Variants in TIAM1 observed in about 807,000 individuals in gnomAD.
TIAM1 encodes the protein TIAM Rac1 associated GEF 1.
A neutral mutation model predicts 163.5 loss-of-function variants in TIAM1; 65 were observed. That is an observed-to-expected ratio of 0.40 (90% CI 0.33 to 0.49). The LOEUF (loss-of-function observed/expected upper bound fraction) is 0.49, where lower values mean the gene tolerates loss of function less well. Ranked by LOEUF, TIAM1 falls within the 20% of genes least tolerant of loss-of-function variation. The pLI is 0.77. For synonymous variants in TIAM1, 833 were observed against 810.1 expected (o/e 1.03, Z -0.48); for missense variants, 1,789 against 2,044.7 (o/e 0.87, Z 2.41).
chr21:31,320,799 G>T (rs1265601955), intron 2 of TIAM1, among the ~76,000 whole-genome samples: 1 of 152,198 alleles, frequency 6.6e-6, no homozygotes, highest in Non-Finnish European at 1.5e-5. Flanking sequence ...TTTGAGACCA[G>T]CCTGGCCAAC....
intron 1 of TIAM1, among the ~76,000 whole-genome samples, chr21:31,483,355 G>A (rs1159987707): frequency 6.6e-6 from 1 of 152,182 alleles, no homozygotes; most frequent in Non-Finnish European, 1.5e-5. Context: ...TGGGTCTCGT[G>A]CCAAGAAGTT....
At chr21:31,465,962 T>C (rs1378808007) in intron 1 of TIAM1, among the ~76,000 whole-genome samples, 2 of 152,170 alleles carry the variant, frequency 1.3e-5, no homozygotes. Flanking sequence ...CGCCTCGGCC[T>C]CCCAAAGTGC....
chr21:31,397,002 G>A (rs912216706), intron 2 of TIAM1, among the ~76,000 whole-genome samples: 4 of 152,032 alleles, frequency 2.6e-5, no homozygotes, highest in Admixed American at 2.6e-4. Flanking sequence ...TTCTAATAGT[G>A]GAAAGAAACC....
chr21:31,270,198 A>G (rs1455686271), intron 3 of TIAM1, among the ~76,000 whole-genome samples: 1 of 152,210 alleles, frequency 6.6e-6, no homozygotes, highest in African/African-American at 2.4e-5. Flanking sequence ...CTTCCACAAG[A>G]CTAGAAATAT....
At chr21:31,210,657 GAAAGAAAGAA>G (rs1210993456) in intron 10 of TIAM1, among the ~76,000 whole-genome samples, 1,017 of 21,718 alleles carry the variant, frequency 0.047, 202 homozygotes, top group Middle Eastern at 0.091. Flanking sequence ...AAGAAAGAAA[GAAAGAAAGAA>G]AAAGAAAGAA....
chr21:31,256,588 T>TACACAA (rs1555907897), intron 4 of TIAM1, among the ~76,000 whole-genome samples: 1 of 128,162 alleles, frequency 7.8e-6, no homozygotes, highest in African/African-American at 2.9e-5. Context: ...TACCCCTCAC[T>TACACAA]ACACACACAC....
rs373488942 is a variant in TIAM1, at chr21:31,191,204, C to T, written c.2575+4020G>A. Among the ~76,000 whole-genome samples, 20 of 152,080 alleles carry T rather than the reference C, an allele frequency of 1.3e-4. 1 individual carries two copies. Among genetic ancestry groups the T allele is most frequent in the Admixed American group, 9.2e-4 (14 of 15,252 alleles). ...TTGAGACAGAGTCTCACTCTGTCACCAGGCGGGAGTGCAGTGGCACAATCT... is the reference window on the plus strand; with the variant it reads ...TTGAGACAGAGTCTCACTCTGTCACTAGGCGGGAGTGCAGTGGCACAATCT... On this transcript the variant is annotated intron_variant, in intron 13 of 27. Transcript: ENST00000541036.
rs771808182 is a variant in TIAM1 at position 31,245,634 on chromosome 21, C to A, written c.1438G>T (p.Asp480Tyr). ...KGCTLFFYES[D>Y]GRSGIDHNSI... Reference sequence around the variant, plus strand: ...TTGTGGTCTATCCCAGACCTGCCGTCGCTCTCGTAGAAAAATAGCGTGCAT... The same window carrying A: ...TTGTGGTCTATCCCAGACCTGCCGTAGCTCTCGTAGAAAAATAGCGTGCAT... Residue 480 changes from aspartate (D) to tyrosine (Y), a missense_variant, in exon 6 of 28, where the codon GAC becomes TAC. Asp to Tyr is a radical substitution (Grantham distance 160). Transcript: ENST00000541036. 2.5e-6 allele frequency: 4 copies of A among 1,584,556 alleles called. No individual in the cohort carries two copies. The highest frequency in any genetic ancestry group is 3.4e-6 in the Non-Finnish European group (4 of 1,165,424).
chr21:31,363,997 A>G (rs1481178043), intron 2 of TIAM1, among the ~76,000 whole-genome samples: 1 of 152,240 alleles, frequency 6.6e-6, no homozygotes, highest in Non-Finnish European at 1.5e-5. Flanking sequence ...GGAAAAGTGC[A>G]GAGCAAAACA....
At chr21:31,523,916 T>C (rs1187276275) in intron 1 of TIAM1, among the ~76,000 whole-genome samples, 2 of 118,164 alleles carry the variant, frequency 1.7e-5, no homozygotes, top group Admixed American at 1.1e-4. Flanking sequence ...AGATTCCATC[T>C]CAAAAAAAAA....
At chr21:31,121,806 T>C (rs1041739289) in intron 27 of TIAM1, among the ~76,000 whole-genome samples, 1 of 152,116 alleles carries the variant, frequency 6.6e-6, no homozygotes, top group East Asian at 1.9e-4. Context: ...CACCATCCGA[T>C]CAAGCCAACA....
At position 31,210,592 on chromosome 21, in the gene TIAM1, AAGAG is replaced by A. The variant is rs368451168; in HGVS notation, c.2218-381_2218-378del. On this transcript the variant is annotated intron_variant, in intron 10 of 27. Coordinates refer to ENST00000541036, the MANE Select transcript of TIAM1 (RefSeq NM_001353694.2). ...AAAGAAAGAAAGAAAGAAAGAAAGA[AAGAG>A]AGAAAGAAGGAAGGAAGGGAGAAAG... is the stretch of plus-strand genomic sequence containing the variant. Among the ~76,000 whole-genome samples the A allele has an allele frequency of 7.3e-3, 643 of 87,974 alleles. 8 individuals are homozygous for A. Among genetic ancestry groups the A allele is most frequent in the East Asian group, 0.012 (27 of 2,206 alleles). 57.7% of individuals were successfully genotyped at this position (87,974 alleles called of 152,430 possible).
chr21:31,200,050 T>C (rs1475448351), intron 12 of TIAM1, among the ~76,000 whole-genome samples: 1 of 152,166 alleles, frequency 6.6e-6, no homozygotes, highest in African/African-American at 2.4e-5. Flanking sequence ...TATTACACAT[T>C]CACATGTATT....
chr21:31,339,605 G>T (rs187958293), intron 1 of TIAM1, among the ~76,000 whole-genome samples, 183 bp from the exon 2 acceptor site: 1 of 152,286 alleles, frequency 6.6e-6, no homozygotes, highest in Non-Finnish European at 1.5e-5. Flanking sequence ...TAATAAAGAA[G>T]CATTTACCAG....
At chr21:31,503,604 G>GGGAGAGGAGGGGAGGGGAGA (rs1426842262) in intron 1 of TIAM1, among the ~76,000 whole-genome samples, 2 of 1,430 alleles carry the variant, frequency 1.4e-3, no homozygotes, top group African/African-American at 2.9e-3. Context: ...GGGAGGGGAG[G>GGGAGAGGAGGGGAGGGGAGA]GGAGGGGAGG....
chr21:31,236,414 T>C (rs994493895), intron 6 of TIAM1, among the ~76,000 whole-genome samples: 7 of 152,136 alleles, frequency 4.6e-5, no homozygotes, highest in Non-Finnish European at 1.0e-4. Context: ...AAAACAGGAC[T>C]TAGCTACAGA....
At chr21:31,391,539 C>A (rs1270536455) in intron 2 of TIAM1, among the ~76,000 whole-genome samples, 1 of 152,046 alleles carries the variant, frequency 6.6e-6, no homozygotes, top group South Asian at 2.1e-4. Context: ...GCAGGAGAAT[C>A]GCTTGAACCC....
chr21:31,454,588 C>T (rs374926331), intron 2 of TIAM1, among the ~76,000 whole-genome samples: 1 of 152,082 alleles, frequency 6.6e-6, no homozygotes, highest in Non-Finnish European at 1.5e-5. Flanking sequence ...CAGCCCAGCA[C>T]GCGTGTCCAA....
chr21:31,187,265 C>T (rs1010194725), intron 13 of TIAM1, among the ~76,000 whole-genome samples, 178 bp from the exon 14 acceptor site: 1 of 152,192 alleles, frequency 6.6e-6, no homozygotes, highest in Admixed American at 6.5e-5. Flanking sequence ...CTGGAAGTCA[C>T]TACTTGTAAA....
Sources: gnomAD v4.1 joint callset for allele counts (sites outside exome capture counted in the v4.1 genomes callset) on GRCh38, gnomAD v4.1.1 for gene constraint, MANE v1.5 for transcripts, NCBI Gene and HGNC (gene_info 2026-07-23, HGNC 2026-07-21) for gene names.